The following ALMS1 variants were observed in gnomAD, a reference collection of about 807,000 sequenced individuals.
ALMS1 encodes the protein centrosome-associated protein ALMS1.
A neutral mutation model predicts 352.2 loss-of-function variants in ALMS1; 271 were observed. That is an observed-to-expected ratio of 0.77 (90% CI 0.70 to 0.85). The LOEUF (loss-of-function observed/expected upper bound fraction) is 0.85. Ranked by LOEUF, ALMS1 falls within the 40% of genes least tolerant of loss-of-function variation. The pLI, the probability that ALMS1 is intolerant of heterozygous loss-of-function variation, is 0.00. For synonymous variants in ALMS1, 1,865 were observed against 1,761.2 expected (o/e 1.06, Z -1.48); for missense variants, 5,445 against 4,870.7 (o/e 1.12, Z -3.51).
At chr2:73,485,137 G>T (rs1672802090) in intron 9 of ALMS1, among the ~76,000 whole-genome samples, 1 of 152,208 alleles carries the variant, frequency 6.6e-6, no homozygotes, top group South Asian at 2.1e-4. Flanking sequence ...TTCCTTTGGA[G>T]GAGGAGAGGT....
chr2:73,511,606 C>A (rs1040537556), intron 10 of ALMS1, among the ~76,000 whole-genome samples: 2 of 152,156 alleles, frequency 1.3e-5, no homozygotes, highest in African/African-American at 4.8e-5. Context: ...TGGAGCTGTT[C>A]TATTTGGCCA....
chr2:73,445,093 AT>A (rs1367039991), intron 7 of ALMS1, among the ~76,000 whole-genome samples: 1 of 152,018 alleles, frequency 6.6e-6, no homozygotes, highest in African/African-American at 2.4e-5. Flanking sequence ...TTAAAAAAAA[AT>A]CTTTTTTATT....
rs1381406599 is a variant in ALMS1 at position 73,572,570 on chromosome 2, A to T, written c.10693A>T (p.Ser3565Cys). Residue 3565 changes from serine (S) to cysteine (C), a missense_variant, in exon 16 of 23, where the codon AGT becomes TGT. Ser to Cys is a moderately radical substitution (Grantham distance 112). Transcript: ENST00000613296. ...GNKEVMDTTK[S>C]QVRDYPKHNG... Reference sequence around the variant, plus strand: ...CAAAGAAGTGATGGATACTACTAAAAGTCAAGTTAGAGATTATCCAAAACA... The same window carrying T: ...CAAAGAAGTGATGGATACTACTAAATGTCAAGTTAGAGATTATCCAAAACA... 2 of 1,613,926 alleles carry T rather than the reference A, an allele frequency of 1.2e-6. No homozygotes were observed. The highest frequency in any genetic ancestry group is 1.7e-6 in the Non-Finnish European group (2 of 1,180,000).
intron 15 of ALMS1, among the ~76,000 whole-genome samples, chr2:73,565,122 G>C (rs865787096): frequency 7.9e-5 from 12 of 152,258 alleles, no homozygotes; most frequent in African/African-American, 2.4e-4. Flanking sequence ...CATAGTCAAG[G>C]CACTATTAGT....
At chr2:73,595,325 A>G (rs1245990549) in intron 16 of ALMS1, among the ~76,000 whole-genome samples, 1 of 152,196 alleles carries the variant, frequency 6.6e-6, no homozygotes, top group Admixed American at 6.5e-5. Context: ...TTTGCAGTCA[A>G]TCCTTGTTCC....
intron 1 of ALMS1, among the ~76,000 whole-genome samples, chr2:73,390,800 C>T (rs1476459383): frequency 1.3e-5 from 2 of 150,948 alleles, no homozygotes; most frequent in East Asian, 1.9e-4. Context: ...TGGAGTCTCT[C>T]GCTTTTGTCA....
intron 10 of ALMS1, among the ~76,000 whole-genome samples, chr2:73,511,868 G>T (rs1330485272): frequency 6.6e-6 from 1 of 152,148 alleles, no homozygotes; most frequent in African/African-American, 2.4e-5. Flanking sequence ...CAAAATGTCA[G>T]TGCTGAGGTT....
chr2:73,451,902 C>T lies in ALMS1; in HGVS notation c.5375C>T (p.Ala1792Val), dbSNP rs200151358. 4.2e-5 allele frequency: 67 copies of T among 1,614,012 alleles called. No individual in the cohort carries two copies. The African/African-American group carries it at 8.4e-4, about 20-fold the overall frequency. The change falls in exon 8 of 23, where the codon GCT (alanine) becomes GTT (valine). Residue 1792 changes from alanine to valine, a missense_variant. Physicochemically the swap from Ala to Val is moderately conservative, Grantham distance 64 (BLOSUM62 0). Coordinates refer to ENST00000613296, the MANE Select transcript of ALMS1 (RefSeq NM_001378454.1). Reference sequence around the variant, plus strand: ...AAAGTTTCAAATGTTCCTGGACCAGCTGACCAGAAGACTGGGGTATCAACA... The same window carrying T: ...AAAGTTTCAAATGTTCCTGGACCAGTTGACCAGAAGACTGGGGTATCAACA... ...ALKVSNVPGP[A>V]DQKTGVSTVT... is the part of the protein sequence containing the mutation.
chr2:73,465,780 A>T (rs1265235651), intron 9 of ALMS1, among the ~76,000 whole-genome samples: 2 of 152,220 alleles, frequency 1.3e-5, no homozygotes, highest in South Asian at 4.1e-4. Context: ...ATGAACTCAA[A>T]CAAATTTACA....
intron 15 of ALMS1, among the ~76,000 whole-genome samples, chr2:73,569,990 G>A (rs1413353597): frequency 6.6e-6 from 1 of 152,186 alleles, no homozygotes; most frequent in African/African-American, 2.4e-5. Context: ...AGATTGGAAA[G>A]GTACAAGAAG....
At position 73,406,420 on chromosome 2, in the gene ALMS1, T is replaced by A. The variant is rs536864356; in HGVS notation, c.325-2202T>A. Among the ~76,000 whole-genome samples the A allele has an allele frequency of 2.0e-5, 3 of 151,890 alleles. No homozygotes were observed. The East Asian group carries it at 5.8e-4, about 29-fold the overall frequency. ...TTAAACAGCATATAGTTGGGTCCTG[T>A]TTTTTAATCCTATGGGTTTTTTTTT... On this transcript the variant is annotated intron_variant, in intron 1 of 22. Coordinates refer to ENST00000613296, the MANE Select transcript of ALMS1 (RefSeq NM_001378454.1).
chr2:73,430,919 A>T (rs1328753459), intron 6 of ALMS1, among the ~76,000 whole-genome samples: 1 of 152,008 alleles, frequency 6.6e-6, no homozygotes, highest in African/African-American at 2.4e-5. Context: ...ATTTATGTGT[A>T]TGTATATATG....
chr2:73,526,766 T>G (rs933822225), intron 11 of ALMS1, among the ~76,000 whole-genome samples: 1 of 152,170 alleles, frequency 6.6e-6, no homozygotes, highest in South Asian at 2.1e-4. Flanking sequence ...TTTCTATCTT[T>G]CTCTTGTCTG....
chr2:73,496,446 A>C (rs904792830), intron 10 of ALMS1, among the ~76,000 whole-genome samples: 3 of 152,192 alleles, frequency 2.0e-5, no homozygotes, highest in Non-Finnish European at 4.4e-5. Context: ...TAAATGCAGT[A>C]ATATTTTATT....
At chr2:73,560,573 G>A (rs1175162172) in intron 15 of ALMS1, among the ~76,000 whole-genome samples, 2 of 152,048 alleles carry the variant, frequency 1.3e-5, no homozygotes, top group Non-Finnish European at 2.9e-5. Flanking sequence ...ATTCAAAACA[G>A]GACTTCAAAA....
chr2:73,557,810 G>A (rs1270303622), intron 14 of ALMS1, among the ~76,000 whole-genome samples: 1 of 152,120 alleles, frequency 6.6e-6, no homozygotes, highest in African/African-American at 2.4e-5. Flanking sequence ...TTTACGTTAG[G>A]ATTAGTTTTG....
Position 73,608,475 on chromosome 2 carries a change from G to T in ALMS1, c.12363G>T (p.Arg4121=). ...SKKEMIQRSK[R]IYEQLPEVQK... is the part of the protein sequence containing the mutation. Reference sequence around the variant, plus strand: ...TCCTTTCACTGGTGCCATTTCTAAGGATTTATGAGCAGCTTCCAGAAGTAC... The same window carrying T: ...TCCTTTCACTGGTGCCATTTCTAAGTATTTATGAGCAGCTTCCAGAAGTAC... The change falls in exon 22 of 23, where the codon CGG becomes CGT. Residue 4121 remains arginine, a splice_region_variant and synonymous_variant. Transcript: ENST00000613296. 6.2e-7 allele frequency: 1 copy of T among 1,613,054 alleles called. No individual in the cohort carries two copies. The highest frequency in any genetic ancestry group is 1.1e-5 in the South Asian group (1 of 91,000).
chr2:73,440,441 G>T (rs13423604), intron 7 of ALMS1, among the ~76,000 whole-genome samples: 3 of 151,652 alleles, frequency 2.0e-5, no homozygotes, highest in African/African-American at 7.3e-5. Context: ...CCTCTCTCTC[G>T]CGTTCGCTGT....
chr2:73,538,598 C>T (rs554518829), intron 12 of ALMS1, among the ~76,000 whole-genome samples: 36 of 152,262 alleles, frequency 2.4e-4, no homozygotes, highest in South Asian at 1.2e-3. Context: ...TCGCCTCACC[C>T]GGGAAGCGCA....
Sources: gnomAD v4.1 joint callset for allele counts (sites outside exome capture counted in the v4.1 genomes callset) on GRCh38, gnomAD v4.1.1 for gene constraint, MANE v1.5 for transcripts, NCBI Gene and HGNC (gene_info 2026-07-23, HGNC 2026-07-21) for gene names.